Variants in SUPT3H observed in about 807,000 individuals in gnomAD.
SUPT3H encodes the protein transcription initiation protein SPT3 homolog.
In SUPT3H, 44 loss-of-function variants were observed where a neutral mutation model predicts 44.3. The observed-to-expected ratio is 0.99, with a 90% CI of 0.78 to 1.28. SUPT3H has a LOEUF of 1.28. Among genes scored for constraint, SUPT3H ranks in the 50% most tolerant of loss-of-function variants. The probability of loss-of-function intolerance (pLI) is 0.00; values close to 1 mark genes in which losing one functional copy is unlikely to be tolerated. For synonymous variants in SUPT3H, 124 were observed against 125.6 expected (o/e 0.99, Z 0.09); for missense variants, 380 against 387.1 (o/e 0.98, Z 0.15).
At chr6:45,328,566 A>C in intron 2 of SUPT3H, 1 of 1,580,878 alleles carries the variant, frequency 6.3e-7, no homozygotes, top group South Asian at 1.1e-5. Flanking sequence ...TACCAGCTAC[A>C]TAATTTCTTG....
chr6:45,132,900 G>A (rs1168302976), intron 2 of SUPT3H, among the ~76,000 whole-genome samples: 1 of 152,120 alleles, frequency 6.6e-6, no homozygotes, highest in Non-Finnish European at 1.5e-5. Flanking sequence ...AACTAAGACA[G>A]AAGTCACATG....
intron 2 of SUPT3H, among the ~76,000 whole-genome samples, chr6:45,266,224 C>T (rs1179379828): frequency 2.0e-5 from 3 of 151,536 alleles, no homozygotes; most frequent in South Asian, 2.1e-4. Flanking sequence ...CCGTTATTCC[C>T]GGGAGAATTA....
At chr6:45,222,173 G>A (rs1478658666) in intron 2 of SUPT3H, among the ~76,000 whole-genome samples, 1 of 151,682 alleles carries the variant, frequency 6.6e-6, no homozygotes, top group East Asian at 1.9e-4. Flanking sequence ...TAAAAAAAAA[G>A]TAGAAGAAAA....
Position 45,168,542 on chromosome 6 carries a change from C to T in SUPT3H, c.102-62536G>A, listed in dbSNP as rs1195249802. Among the ~76,000 whole-genome samples the T allele has an allele frequency of 1.9e-4, 29 of 152,158 alleles. 1 individual carries two copies. Among genetic ancestry groups the T allele is most frequent in the Admixed American group, 1.8e-3 (28 of 15,280 alleles). On this transcript the variant is annotated intron_variant, in intron 2 of 10. Coordinates refer to ENST00000371459, the MANE Select transcript of SUPT3H (RefSeq NM_003599.4). The stretch of plus-strand genomic sequence containing the variant: ...GTACATCCTTAACCCTGGCAAAATA[C>T]ACTTTCTAAAATGACTGAGACCTGT...
At chr6:44,823,638 C>A (rs1037306308), downstream of SUPT3H, among the ~76,000 whole-genome samples, 2 of 152,292 alleles carry the variant, frequency 1.3e-5, no homozygotes, top group East Asian at 3.9e-4. Context: ...TCCACCTCAG[C>A]CCCCTTTGGG....
At chr6:45,247,105 G>A (rs910732401) in intron 2 of SUPT3H, among the ~76,000 whole-genome samples, 1 of 152,132 alleles carries the variant, frequency 6.6e-6, no homozygotes, top group African/African-American at 2.4e-5. Flanking sequence ...ATGCTAAAAG[G>A]ATAATAAAGG....
chr6:44,882,458 A>G (rs1394829533), intron 10 of SUPT3H, among the ~76,000 whole-genome samples: 1 of 152,226 alleles, frequency 6.6e-6, no homozygotes, highest in Admixed American at 6.5e-5. Flanking sequence ...CCAGAGGTAC[A>G]AGGAGGAATT....
In SUPT3H at chr6:44,830,214, C is replaced by T. The variant is rs79733607; in HGVS notation, c.913-357G>A. Reference sequence around the variant, plus strand: ...CGATATGCTCAGGAATCACTTCTAACTAACTAAGTATCTTAATAGTCTATA... The same window carrying T: ...CGATATGCTCAGGAATCACTTCTAATTAACTAAGTATCTTAATAGTCTATA... On this transcript the variant is annotated intron_variant, in intron 10 of 10. Transcript: ENST00000371459. Among the ~76,000 whole-genome samples the T allele has an allele frequency of 4.3e-4, 66 of 152,210 alleles. No homozygotes were observed. In the East Asian group the frequency reaches 0.011, roughly 25 times the overall value.
chr6:45,169,590 A>G (rs1810451584), intron 2 of SUPT3H, among the ~76,000 whole-genome samples: 1 of 152,182 alleles, frequency 6.6e-6, no homozygotes, highest in Non-Finnish European at 1.5e-5. Context: ...CTTGCTTCCA[A>G]TTTAATATCA....
intron 9 of SUPT3H, among the ~76,000 whole-genome samples, chr6:44,935,804 T>C (rs537589624): frequency 6.6e-5 from 10 of 152,342 alleles, no homozygotes; most frequent in Admixed American, 5.9e-4. Flanking sequence ...CTTAGCAGTT[T>C]AAACTCTCAA....
chr6:45,245,197 T>G (rs1338802942), intron 2 of SUPT3H, among the ~76,000 whole-genome samples: 1 of 152,154 alleles, frequency 6.6e-6, no homozygotes, highest in East Asian at 1.9e-4. Flanking sequence ...TCTGGGAATT[T>G]AAGTCCCTAA....
chr6:44,841,164 T>G (rs1246450485), intron 10 of SUPT3H, among the ~76,000 whole-genome samples: 3 of 152,188 alleles, frequency 2.0e-5, no homozygotes, highest in Non-Finnish European at 4.4e-5. Flanking sequence ...AATTACCTAG[T>G]CTCAGGTATT....
At position 44,940,380 on chromosome 6, in the gene SUPT3H, G is replaced by T. The variant is rs976297972; in HGVS notation, c.802-7617C>A. Among the ~76,000 whole-genome samples, 3 of 152,108 alleles carry T rather than the reference G, an allele frequency of 2.0e-5. No individual in the cohort carries two copies. The South Asian group carries it at 6.2e-4, about 32-fold the overall frequency. On this transcript the variant is annotated intron_variant, in intron 9 of 10. Transcript: ENST00000371459. ...GAAGCTCCTCTTGTTACTGGTTACAGATTTATTCCACTGTGGTCTGAGAAG... is the reference window on the plus strand; with the variant it reads ...GAAGCTCCTCTTGTTACTGGTTACATATTTATTCCACTGTGGTCTGAGAAG...
At chr6:45,274,658 A>G (rs1776727178) in intron 2 of SUPT3H, among the ~76,000 whole-genome samples, 1 of 152,174 alleles carries the variant, frequency 6.6e-6, no homozygotes, top group African/African-American at 2.4e-5. Context: ...AGGCAGGTGG[A>G]TGGCTTGAGC....
At chr6:45,101,861 G>C (rs1208114033) in intron 3 of SUPT3H, among the ~76,000 whole-genome samples, 1 of 151,940 alleles carries the variant, frequency 6.6e-6, no homozygotes, top group African/African-American at 2.4e-5. Context: ...CATATCCCCT[G>C]TATTGAACTC....
chr6:45,281,702 G>A (rs1179589477), intron 2 of SUPT3H, among the ~76,000 whole-genome samples: 8 of 152,280 alleles, frequency 5.3e-5, no homozygotes, highest in Admixed American at 2.6e-4. Flanking sequence ...AGAAACCTCT[G>A]CACACTTAAA....
At chr6:45,320,900 A>C (rs1375717721) in intron 2 of SUPT3H, among the ~76,000 whole-genome samples, 1 of 152,266 alleles carries the variant, frequency 6.6e-6, no homozygotes, top group East Asian at 1.9e-4. Context: ...TAGTAGTATA[A>C]ATAATTTAGT....
At chr6:45,069,093 TG>T (rs1562389827) in intron 3 of SUPT3H, among the ~76,000 whole-genome samples, 1 of 152,194 alleles carries the variant, frequency 6.6e-6, no homozygotes, top group African/African-American at 2.4e-5. Context: ...CAATAAGTAC[TG>T]TATTGAACAT....
At chr6:45,362,969 GTTT>G (rs1012667122) in intron 2 of SUPT3H, among the ~76,000 whole-genome samples, 26 of 151,578 alleles carry the variant, frequency 1.7e-4, no homozygotes, top group Admixed American at 1.6e-3. Context: ...GAACAGTTTG[GTTT>G]TTTTAATATT....
Sources: allele counts gnomAD v4.1 joint callset (sites outside exome capture counted in the v4.1 genomes callset), GRCh38; gene constraint gnomAD v4.1.1; transcripts MANE v1.5; gene names NCBI Gene and HGNC (gene_info 2026-07-23, HGNC 2026-07-21).